The following PDZRN4 variants were observed in gnomAD, a reference collection of about 807,000 sequenced individuals.
PDZRN4 encodes PDZ domain containing ring finger 4.
PDZRN4 carries 70 observed loss-of-function variants against 99.0 expected under a neutral mutation model. The ratio of observed to expected loss-of-function variants is 0.71; its 90% CI spans 0.58 to 0.86. PDZRN4 has a LOEUF of 0.86. Ranked by LOEUF, PDZRN4 falls within the 40% of genes least tolerant of loss-of-function variation. The pLI, the probability that PDZRN4 is intolerant of heterozygous loss-of-function variation, is 0.00. For synonymous variants in PDZRN4, 551 were observed against 501.6 expected, an observed-to-expected ratio of 1.10 and a Z score of -1.32; for missense variants, 1,474 against 1,331.2, an observed-to-expected ratio of 1.11 and a Z score of -1.67.
chr12:41,326,963 G>A (rs760573245), intron 3 of PDZRN4, among the ~76,000 whole-genome samples: 18 of 152,104 alleles, frequency 1.2e-4, no homozygotes, highest in Non-Finnish European at 2.5e-4. Flanking sequence ...GCTCCCGAAT[G>A]TCTGAACTGA....
intron 3 of PDZRN4, among the ~76,000 whole-genome samples, chr12:41,232,102 A>G (rs1414797404): frequency 2.5e-5 from 1 of 39,234 alleles, no homozygotes; most frequent in Non-Finnish European, 7.7e-5. Flanking sequence ...TTGCAAAGAC[A>G]TGTTGTAGAA....
At chr12:41,416,297 C>T (rs997243042) in intron 3 of PDZRN4, among the ~76,000 whole-genome samples, 1 of 151,962 alleles carries the variant, frequency 6.6e-6, no homozygotes, top group Non-Finnish European at 1.5e-5. Flanking sequence ...GAATCTTTTT[C>T]CTCTTTCTGA....
At chr12:41,504,714 A>G (rs1223520654) in intron 3 of PDZRN4, among the ~76,000 whole-genome samples, 1 of 152,186 alleles carries the variant, frequency 6.6e-6, no homozygotes, top group Non-Finnish European at 1.5e-5. Flanking sequence ...TCATGTCCAC[A>G]TATCCTCATG....
intron 3 of PDZRN4, among the ~76,000 whole-genome samples, chr12:41,277,301 G>A (rs186603919): frequency 1.3e-4 from 20 of 152,156 alleles, no homozygotes; most frequent in Non-Finnish European, 2.5e-4. Context: ...CATTTTTCAC[G>A]TAGTTTTAGT....
chr12:41,318,713 A>G (rs988466388), intron 3 of PDZRN4, among the ~76,000 whole-genome samples: 38 of 152,154 alleles, frequency 2.5e-4, no homozygotes, highest in African/African-American at 9.2e-4. Flanking sequence ...GATTTTCTCC[A>G]TCACCTCCCT....
intron 3 of PDZRN4, among the ~76,000 whole-genome samples, chr12:41,219,210 A>G (rs1347403502): frequency 6.6e-6 from 1 of 152,010 alleles, no homozygotes; most frequent in East Asian, 1.9e-4. Flanking sequence ...CTTAAAGAAG[A>G]TACCCTAGTT....
At chr12:41,553,236 C>T (rs904844306) in intron 6 of PDZRN4, among the ~76,000 whole-genome samples, 1 of 152,286 alleles carries the variant, frequency 6.6e-6, no homozygotes, top group African/African-American at 2.4e-5. Flanking sequence ...TTATTCAACC[C>T]CGCAAGTGAG....
chr12:41,507,080 G>A (rs1029399511), intron 4 of PDZRN4, among the ~76,000 whole-genome samples: 6 of 152,092 alleles, frequency 3.9e-5, no homozygotes, highest in African/African-American at 1.4e-4. Context: ...TAAGACTCAT[G>A]TGGAAGTGGC....
intron 3 of PDZRN4, among the ~76,000 whole-genome samples, chr12:41,299,008 C>CT (rs1471790640): frequency 1.3e-5 from 2 of 151,972 alleles, no homozygotes; most frequent in Admixed American, 6.6e-5. Context: ...TTCTGTGGCC[C>CT]TTTTTTTCTG....
Position 41,191,534 on chromosome 12 carries a change from G to A in PDZRN4, c.725G>A (p.Arg242Gln), listed in dbSNP as rs755317185. ...DTLGFNIIGGRPNQNNQEGTS... is the reference protein window; with the variant it reads ...DTLGFNIIGGQPNQNNQEGTS... Reference sequence around the variant, plus strand: ...TTGGGATTCAATATTATAGGAGGTCGACCAAATCAGGTAAAACACCTTGTT... The same window carrying A: ...TTGGGATTCAATATTATAGGAGGTCAACCAAATCAGGTAAAACACCTTGTT... The change falls in exon 2 of 10, where the codon CGA becomes CAA. Residue 242 changes from arginine (R) to glutamine (Q), a missense_variant. Transcript: ENST00000402685. The A allele has an allele frequency of 4.6e-6, 7 of 1,505,636 alleles. No homozygotes were observed. Among genetic ancestry groups the A allele is most frequent in the African/African-American group, 1.4e-5 (1 of 73,164 alleles). The allele number at this position is 1,505,636 out of a possible 1,614,324, so 93.3% of individuals were successfully genotyped here.
chr12:41,258,741 G>A (rs1232099144), intron 3 of PDZRN4, among the ~76,000 whole-genome samples: 4 of 152,078 alleles, frequency 2.6e-5, no homozygotes, highest in African/African-American at 4.8e-5. Context: ...CTCTTATGGG[G>A]TTTATATTCT....
In PDZRN4 at chr12:41,558,855, A is replaced by G. The variant is rs139657043; in HGVS notation, c.1365+3095A>G. On this transcript the variant is annotated intron_variant, in intron 7 of 9. Coordinates refer to ENST00000402685, the MANE Select transcript of PDZRN4 (RefSeq NM_001164595.2). ...TGAAATTATATTAAGTAAAACTCTG[A>G]CAAAATTGTACCCAGAGACAAATAG... Among the ~76,000 whole-genome samples the G allele has an allele frequency of 4.6e-3, 699 of 152,316 alleles. 12 individuals carry two copies. The highest frequency in any genetic ancestry group is 0.016 in the African/African-American group (665 of 41,564).
At chr12:41,231,199 T>C (rs1043944389) in intron 3 of PDZRN4, among the ~76,000 whole-genome samples, 3 of 152,110 alleles carry the variant, frequency 2.0e-5, no homozygotes, top group African/African-American at 7.2e-5. Context: ...TGATTTAGAC[T>C]TGATAAGCCC....
intron 3 of PDZRN4, among the ~76,000 whole-genome samples, chr12:41,233,412 A>G (rs963356409): frequency 2.0e-5 from 3 of 152,258 alleles, no homozygotes; most frequent in African/African-American, 7.2e-5. Flanking sequence ...CAGAAATACC[A>G]TTTGACCCAG....
At chr12:41,346,408 G>A (rs1951855340) in intron 3 of PDZRN4, among the ~76,000 whole-genome samples, 1 of 152,152 alleles carries the variant, frequency 6.6e-6, no homozygotes, top group Non-Finnish European at 1.5e-5. Flanking sequence ...CTTGCAGTGA[G>A]CCGAGATAGC....
At chr12:41,423,312 C>T (rs1281667078) in intron 3 of PDZRN4, among the ~76,000 whole-genome samples, 1 of 151,974 alleles carries the variant, frequency 6.6e-6, no homozygotes, top group Non-Finnish European at 1.5e-5. Flanking sequence ...CATCCCCTGA[C>T]AGGCCCCAGT....
At chr12:41,425,465 A>T (rs1469813069) in intron 3 of PDZRN4, among the ~76,000 whole-genome samples, 6 of 152,046 alleles carry the variant, frequency 3.9e-5, no homozygotes, top group Non-Finnish European at 5.9e-5. Flanking sequence ...ATTTTTTCTT[A>T]CAAGTAATGT....
intron 3 of PDZRN4, among the ~76,000 whole-genome samples, chr12:41,217,164 T>G (rs779406193): frequency 6.6e-6 from 1 of 152,026 alleles, no homozygotes; most frequent in Non-Finnish European, 1.5e-5. Flanking sequence ...GGACTGGACT[T>G]TCAGTCTTCA....
chr12:41,296,205 G>T (rs1951492659), intron 3 of PDZRN4, among the ~76,000 whole-genome samples: 1 of 152,086 alleles, frequency 6.6e-6, no homozygotes, highest in Non-Finnish European at 1.5e-5. Flanking sequence ...TAAACAAGTG[G>T]GATCAAGATT....
Sources: allele counts gnomAD v4.1 joint callset (sites outside exome capture counted in the v4.1 genomes callset), GRCh38; gene constraint gnomAD v4.1.1; transcripts MANE v1.5; gene names NCBI Gene and HGNC (gene_info 2026-07-23, HGNC 2026-07-21).